Variants in LAMA2 observed in about 807,000 individuals in gnomAD.
LAMA2 encodes laminin subunit alpha-2.
A neutral mutation model predicts 364.8 loss-of-function variants in LAMA2; 269 were observed. That is an observed-to-expected ratio of 0.74 (90% CI 0.67 to 0.82). The LOEUF is 0.82. Ranked by LOEUF, LAMA2 falls within the 40% of genes least tolerant of loss-of-function variation. The pLI, the probability that LAMA2 is intolerant of heterozygous loss-of-function variation, is 0.00. For synonymous variants in LAMA2, 1,379 were observed against 1,370.6 expected (o/e 1.01, Z -0.14); for missense variants, 3,807 against 3,873.2 (o/e 0.98, Z 0.45).
intron 1 of LAMA2, among the ~76,000 whole-genome samples, chr6:129,047,930 G>A (rs1407312861): frequency 6.6e-6 from 1 of 152,144 alleles, no homozygotes; most frequent in Admixed American, 6.5e-5. Context: ...CATTGTAGAT[G>A]CCATTCAGTA....
intron 3 of LAMA2, among the ~76,000 whole-genome samples, chr6:129,070,650 T>C (rs1253580030): frequency 6.6e-6 from 1 of 152,180 alleles, no homozygotes; most frequent in African/African-American, 2.4e-5. Context: ...AAAGCTTTTC[T>C]GATTTATGTT....
chr6:129,190,082 C>A lies in LAMA2; in HGVS notation c.1468-123C>A, dbSNP rs578217844. On this transcript the variant is annotated intron_variant, in intron 10 of 64. Transcript: ENST00000421865. ...GCAGATTTTTAAAAATATCATTATA[C>A]GTTAAATATAGTTGAGAGGGTAAAA... 4.8e-5 allele frequency: 46 copies of A among 955,852 alleles called. No homozygotes were observed. The South Asian group carries it at 5.9e-4, about 12-fold the overall frequency. The allele number at this position is 955,852 out of a possible 1,614,324, so 59.2% of individuals were successfully genotyped here.
Position 129,457,252 on chromosome 6 carries a change from G to T in LAMA2, c.6867+758G>T, listed in dbSNP as rs193297691. 2.0e-5 allele frequency among the ~76,000 whole-genome samples: 3 copies of T among 152,098 alleles called. No homozygotes were observed. The East Asian group carries it at 5.8e-4, about 29-fold the overall frequency. Reference sequence around the variant, plus strand: ...AGGTTATTTTATTTACTTTGAGTACGAGATGTGACTCTAAAGTATGAGAAT... The same window carrying T: ...AGGTTATTTTATTTACTTTGAGTACTAGATGTGACTCTAAAGTATGAGAAT... On this transcript the variant is annotated intron_variant, in intron 48 of 64. Coordinates refer to ENST00000421865, the MANE Select transcript of LAMA2 (RefSeq NM_000426.4).
chr6:128,909,193 T>C (rs1404593240), intron 1 of LAMA2, among the ~76,000 whole-genome samples: 2 of 152,102 alleles, frequency 1.3e-5, no homozygotes, highest in African/African-American at 4.8e-5. Context: ...GGTATCCTTG[T>C]TGACTTTCTG....
At chr6:129,407,453 G>C (rs1280875642) in intron 40 of LAMA2, among the ~76,000 whole-genome samples, 1 of 152,136 alleles carries the variant, frequency 6.6e-6, no homozygotes, top group Non-Finnish European at 1.5e-5. Flanking sequence ...CTTAAATGCT[G>C]ATATGAAGTC....
chr6:129,314,622 T>G lies in LAMA2; in HGVS notation c.3412-33T>G, dbSNP rs116223939. ...GTGATTTCTCCCCTAACTTTGCCGT[T>G]ATAAACTCTGAGGGTCTCTTGTCTT... On this transcript the variant is annotated intron_variant, in intron 23 of 64. Coordinates refer to ENST00000421865, the MANE Select transcript of LAMA2 (RefSeq NM_000426.4). The G allele has an allele frequency of 2.5e-6, 4 of 1,611,278 alleles. No homozygotes were observed. In the African/African-American group the frequency reaches 5.3e-5, roughly 21 times the overall value.
chr6:129,468,132 C>CA (rs1206474446), intron 51 of LAMA2, among the ~76,000 whole-genome samples: 1 of 151,824 alleles, frequency 6.6e-6, no homozygotes, highest in Non-Finnish European at 1.5e-5. Flanking sequence ...ATGCACCAAG[C>CA]AGTCATTCTC....
At chr6:129,108,492 AT>A (rs1186000986) in intron 4 of LAMA2, among the ~76,000 whole-genome samples, 1 of 152,130 alleles carries the variant, frequency 6.6e-6, no homozygotes, top group East Asian at 1.9e-4. Context: ...AAATATGACC[AT>A]AAAAACCTCA....
Position 129,440,824 on chromosome 6 carries a change from G to A in LAMA2, c.6094G>A (p.Ala2032Thr), listed in dbSNP as rs776279074. The change falls in exon 43 of 65, where the codon GCT (alanine) becomes ACT (threonine). Residue 2032 changes from alanine (A) to threonine (T), a missense_variant. By Grantham distance (58) the Ala-to-Thr change is moderately conservative. This residue lies in a region of LAMA2 where 3,333 missense variants were observed against 3,345.7 expected (regional missense o/e 1.00). Coordinates refer to ENST00000421865, the MANE Select transcript of LAMA2 (RefSeq NM_000426.4). ...KLSAIPNDTA[A>T]KLQAVKDKAR... The stretch of plus-strand genomic sequence containing the variant: ...CCCTCATCTGCTGACAGATACAGCT[G>A]CTAAACTGCAAGCTGTTAAGGACAA... 4.5e-5 allele frequency: 73 copies of A among 1,613,538 alleles called. 1 individual carries two copies. The Admixed American group carries it at 1.2e-3, about 26-fold the overall frequency.
intron 4 of LAMA2, among the ~76,000 whole-genome samples, chr6:129,138,321 A>G (rs1000543100): frequency 6.6e-6 from 1 of 152,132 alleles, no homozygotes; most frequent in Non-Finnish European, 1.5e-5. Flanking sequence ...ATTAATAAAA[A>G]TAACCCTAAA....
intron 10 of LAMA2, among the ~76,000 whole-genome samples, chr6:129,185,121 A>C (rs910242940): frequency 9.2e-5 from 14 of 151,866 alleles, no homozygotes; most frequent in African/African-American, 1.9e-4. Flanking sequence ...TTATCACACA[A>C]AAAAAATAAC....
chr6:129,453,215 G>A, intron 46 of LAMA2, 84 bp downstream of exon 46: 2 of 1,272,266 alleles, frequency 1.6e-6, no homozygotes, highest in Non-Finnish European at 2.3e-6. Context: ...ATCCCCAAAT[G>A]TATATGGTCC....
chr6:129,045,872 T>A (rs886369260), intron 1 of LAMA2, among the ~76,000 whole-genome samples: 5 of 152,160 alleles, frequency 3.3e-5, no homozygotes, highest in Admixed American at 6.5e-5. Context: ...GTCTTACCCA[T>A]ACCTGCAAAA....
intron 14 of LAMA2, among the ~76,000 whole-genome samples, chr6:129,259,522 T>C (rs983677876): frequency 3.9e-5 from 6 of 152,102 alleles, no homozygotes; most frequent in Non-Finnish European, 5.9e-5. Context: ...TTATGTGCTC[T>C]TAGAGTTTAT....
intron 3 of LAMA2, among the ~76,000 whole-genome samples, chr6:129,075,080 A>G (rs188824175): frequency 6.6e-6 from 1 of 152,346 alleles, no homozygotes; most frequent in Non-Finnish European, 1.5e-5. Flanking sequence ...TCATGAAAAA[A>G]AAAGCATAAG....
Position 129,049,990 on chromosome 6 carries a change from G to T in LAMA2, c.185G>T (p.Gly62Val). ...ITTNATCGEK[G>V]PEMYCKLVEH... Reference sequence around the variant, plus strand: ...ACCAATGCAACATGTGGAGAAAAAGGACCTGAAATGTACTGCAAATTGGTA... The same window carrying T: ...ACCAATGCAACATGTGGAGAAAAAGTACCTGAAATGTACTGCAAATTGGTA... The change falls in exon 2 of 65, where the codon GGA becomes GTA. Residue 62 changes from glycine (G) to valine (V), a missense_variant. Gly to Val is a moderately radical substitution (Grantham distance 109, BLOSUM62 -3). Transcript: ENST00000421865. The T allele has an allele frequency of 1.2e-6, 2 of 1,613,944 alleles. No individual in the cohort carries two copies. Among genetic ancestry groups the T allele is most frequent in the Non-Finnish European group, 1.7e-6 (2 of 1,179,868 alleles).
At chr6:129,328,937 C>T (rs750534322) in intron 29 of LAMA2, among the ~76,000 whole-genome samples, 1 of 152,126 alleles carries the variant, frequency 6.6e-6, no homozygotes, top group Non-Finnish European at 1.5e-5. Flanking sequence ...AAAATCTTTA[C>T]GATCTTTGTT....
intron 1 of LAMA2, among the ~76,000 whole-genome samples, chr6:128,925,226 T>C (rs1779010613): frequency 6.6e-6 from 1 of 152,218 alleles, no homozygotes; most frequent in Admixed American, 6.5e-5. Flanking sequence ...TCTGTCATAG[T>C]AGCATTATTT....
rs865941828 is a variant in LAMA2, at chr6:129,366,133, A to G, written c.4718-86A>G. The G allele has an allele frequency of 8.5e-6, 12 of 1,408,492 alleles. No homozygotes were observed. The Middle Eastern group carries it at 7.1e-4, about 83-fold the overall frequency. The allele number at this position is 1,408,492 out of a possible 1,614,324, so 87.2% of individuals were successfully genotyped here. ...TCTTCCATGGAATTATTCTTGGACC[A>G]TAAAATATTTCATAGCTGAATTCTT... On this transcript the variant is annotated intron_variant, in intron 32 of 64. Coordinates refer to ENST00000421865, the MANE Select transcript of LAMA2 (RefSeq NM_000426.4).
Sources: allele counts gnomAD v4.1 joint callset (sites outside exome capture counted in the v4.1 genomes callset), GRCh38; gene constraint gnomAD v4.1.1; regional missense constraint gnomAD v4.1.1; transcripts MANE v1.5; gene names NCBI Gene and HGNC (gene_info 2026-07-23, HGNC 2026-07-21).